Variants in NUP43 observed in about 807,000 individuals in gnomAD.
The protein encoded by NUP43 is nucleoporin 43, also known as nucleoporin Nup43.
In NUP43, 32 loss-of-function variants were observed where a neutral mutation model predicts 47.3. The ratio of observed to expected loss-of-function variants is 0.68; its 90% CI spans 0.51 to 0.91. NUP43 has a LOEUF of 0.91. Among genes scored for constraint, NUP43 ranks in the 40% least tolerant of loss-of-function variants. The pLI is 0.00. For synonymous variants in NUP43, 147 were observed against 158.4 expected (o/e 0.93, Z 0.54); for missense variants, 444 against 453.9 (o/e 0.98, Z 0.20).
intron 4 of NUP43, among the ~76,000 whole-genome samples, chr6:149,739,057 C>T (rs1170566450): frequency 6.6e-6 from 1 of 151,658 alleles, no homozygotes; most frequent in African/African-American, 2.4e-5. Context: ...CTCGGCTCAC[C>T]GCAATCTCCA....
Position 149,738,791 on chromosome 6 carries a change from A to G in NUP43, c.503-13T>C. ...CTATCTGCATTGTCTAAAAATTTAA[A>G]AAATGGTAGTATGTGTTAATGAGTC... On this transcript the variant is annotated splice_polypyrimidine_tract_variant and intron_variant, in intron 4 of 7. Transcript: ENST00000340413. The G allele has an allele frequency of 6.8e-7, 1 of 1,468,400 alleles. No homozygotes were observed. The highest frequency in any genetic ancestry group is 9.0e-7 in the Non-Finnish European group (1 of 1,107,584). 91.0% of individuals were successfully genotyped at this position (1,468,400 alleles called of 1,614,324 possible). A position where few individuals can be genotyped will look rare whatever the true frequency, so the allele number is the denominator to read the frequency against.
chr6:149,746,308 G>A (rs1785996980), intron 1 of NUP43, 68 bp downstream of exon 1: 6 of 1,582,322 alleles, frequency 3.8e-6, no homozygotes, highest in Middle Eastern at 2.1e-4. Flanking sequence ...TTGGCGCGCG[G>A]AAGGCCAGGG....
At position 149,742,465 on chromosome 6, in the gene NUP43, C is replaced by G; in HGVS notation, c.427G>C (p.Glu143Gln). The G allele has an allele frequency of 6.2e-7, 1 of 1,614,188 alleles. No individual in the cohort carries two copies. Among genetic ancestry groups the G allele is most frequent in the Middle Eastern group, 1.7e-4 (1 of 6,060 alleles). ...PCTGVVCNNPEIVTVGEDGRI... is the reference protein window; with the variant it reads ...PCTGVVCNNPQIVTVGEDGRI... Reference sequence around the variant, plus strand: ...CCATCCTCTCCAACTGTAACGATTTCTGGGTTGTTGCACACAACACCTGTA... The same window carrying G: ...CCATCCTCTCCAACTGTAACGATTTGTGGGTTGTTGCACACAACACCTGTA... Residue 143 changes from glutamate (E) to glutamine (Q), a missense_variant, in exon 4 of 8, where the codon GAA becomes CAA. Transcript: ENST00000340413.
Position 149,731,696 on chromosome 6 carries a change from AG to A in NUP43, c.829del (p.Leu277PhefsTer77). 1 of 1,613,930 alleles carries A rather than the reference AG, an allele frequency of 6.2e-7. No individual in the cohort carries two copies. Among genetic ancestry groups the A allele is most frequent in the South Asian group, 1.1e-5 (1 of 91,076 alleles). On this transcript the variant is annotated frameshift_variant, in exon 7 of 8. Coordinates refer to ENST00000340413, the MANE Select transcript of NUP43 (RefSeq NM_198887.3). LOFTEE classifies it high-confidence loss of function. ...VHFHPSNPEH[L>X]FTCSEDGSLW... ...GGATCCATCTTCAGAGCAGGTAAAA[AG>A]ATGTTCTGGGTTGGATGGGTGAAAG...
At chr6:149,734,747 G>A (rs1023222966) in intron 6 of NUP43, among the ~76,000 whole-genome samples, 4 of 148,224 alleles carry the variant, frequency 2.7e-5, no homozygotes, top group Admixed American at 1.4e-4. Flanking sequence ...TCAGTGAACC[G>A]CGATTGTGCC....
chr6:149,749,045 C>T (rs1024024567), upstream of NUP43, among the ~76,000 whole-genome samples: 3 of 152,038 alleles, frequency 2.0e-5, no homozygotes, highest in Non-Finnish European at 4.4e-5. Flanking sequence ...CCAAAGGACA[C>T]AGTGGTATTT....
upstream of NUP43, among the ~76,000 whole-genome samples, chr6:149,748,172 TG>T (rs1786114006): frequency 6.6e-6 from 1 of 151,948 alleles, no homozygotes; most frequent in Non-Finnish European, 1.5e-5. Flanking sequence ...AAATATTAGC[TG>T]GGCATGGTGG....
upstream of NUP43, chr6:149,746,772 CAAT>C: frequency 1.7e-6 from 2 of 1,193,120 alleles, no homozygotes; most frequent in Non-Finnish European, 2.2e-6. Context: ...TTCTTGTGTT[CAAT>C]AATTGTGCAG....
chr6:149,731,434 T>C, intron 7 of NUP43, 179 bp downstream of exon 7: 1 of 461,648 alleles, frequency 2.2e-6, no homozygotes, highest in Non-Finnish European at 3.9e-6. Flanking sequence ...CGGTGGTGCA[T>C]GACTAGTAGT....
chr6:149,735,556 C>G (rs1426242097), intron 6 of NUP43, among the ~76,000 whole-genome samples: 1 of 134,162 alleles, frequency 7.5e-6, no homozygotes, highest in Non-Finnish European at 1.5e-5. Flanking sequence ...GATCACACCA[C>G]TACTGCACTC....
At chr6:149,727,742 T>C (rs894384447) in intron 7 of NUP43, 33 of 983,156 alleles carry the variant, frequency 3.4e-5, no homozygotes, top group Non-Finnish European at 4.0e-5. Flanking sequence ...ATAAATGTTC[T>C]TACAAGCAGA....
Position 149,731,674 on chromosome 6 carries a change from T to G in NUP43, c.852A>C (p.Gly284=), listed in dbSNP as rs1159812835. 6.2e-7 allele frequency: 1 copy of G among 1,613,702 alleles called. No homozygotes were observed. Among genetic ancestry groups the G allele is most frequent in the Non-Finnish European group, 8.5e-7 (1 of 1,179,816 alleles). Reference sequence around the variant, plus strand: ...TGGAAGCATCCCAGTGCCAGAGGGATCCATCTTCAGAGCAGGTAAAAAGAT... The same window carrying G: ...TGGAAGCATCCCAGTGCCAGAGGGAGCCATCTTCAGAGCAGGTAAAAAGAT... The part of the protein sequence containing the change: ...PEHLFTCSED[G]SLWHWDASTD... Residue 284 remains glycine (G), a synonymous_variant, in exon 7 of 8, where the codon GGA becomes GGC. Coordinates refer to ENST00000340413, the MANE Select transcript of NUP43 (RefSeq NM_198887.3).
intron 3 of NUP43, among the ~76,000 whole-genome samples, chr6:149,743,258 C>T (rs1054995425): frequency 6.6e-6 from 1 of 151,308 alleles, no homozygotes; most frequent in Non-Finnish European, 1.5e-5. Flanking sequence ...CTCAAAAAAA[C>T]CCTTAACATG....
intron 4 of NUP43, among the ~76,000 whole-genome samples, chr6:149,742,048 CAG>C (rs1057277629): frequency 1.4e-5 from 2 of 146,816 alleles, no homozygotes; most frequent in African/African-American, 5.1e-5. Context: ...TTTTTTTAAA[CAG>C]AGTTTCACTT....
chr6:149,737,840 G>A (rs949199131), intron 5 of NUP43, among the ~76,000 whole-genome samples: 1 of 152,046 alleles, frequency 6.6e-6, no homozygotes, highest in Non-Finnish European at 1.5e-5. Flanking sequence ...ATAGGCACGT[G>A]CCACCATGCC....
chr6:149,735,598 CAAAAAAAAAAAA>C (rs57726234), intron 6 of NUP43, among the ~76,000 whole-genome samples: 2 of 51,312 alleles, frequency 3.9e-5, no homozygotes, highest in African/African-American at 8.5e-5. Context: ...ACCCTGTCTC[CAAAAAAAAAAAA>C]AAAAAAAAAA....
At chr6:149,735,391 C>A (rs1785270220) in intron 6 of NUP43, among the ~76,000 whole-genome samples, 1 of 151,912 alleles carries the variant, frequency 6.6e-6, no homozygotes, top group Non-Finnish European at 1.5e-5. Context: ...AAAAATCTGT[C>A]AATGCGCTAT....
chr6:149,747,499 G>A (rs899689373), upstream of NUP43, among the ~76,000 whole-genome samples: 16 of 151,206 alleles, frequency 1.1e-4, no homozygotes, highest in Non-Finnish European at 2.9e-5. Context: ...TATTGGCCAG[G>A]CTGGTCTCGA....
In NUP43 at chr6:149,727,154, C is replaced by T; in HGVS notation, c.958G>A (p.Ala320Thr). The T allele has an allele frequency of 6.2e-7, 1 of 1,614,070 alleles. No individual in the cohort carries two copies. The change falls in exon 8 of 8, where the codon GCT becomes ACT. Residue 320 changes from alanine to threonine, a missense_variant. By Grantham distance (58) the Ala-to-Thr change is moderately conservative. Coordinates refer to ENST00000340413, the MANE Select transcript of NUP43 (RefSeq NM_198887.3). ...TFLSHSISNQ[A>T]NVHQSVISSW... ...CTAATGACAGACTGGTGAACATTAGCTTGGTTACTAATGCTATGAGACAAA... is the reference window on the plus strand; with the variant it reads ...CTAATGACAGACTGGTGAACATTAGTTTGGTTACTAATGCTATGAGACAAA...
Sources: gnomAD v4.1 joint callset for allele counts (sites outside exome capture counted in the v4.1 genomes callset) on GRCh38, gnomAD v4.1.1 for gene constraint, MANE v1.5 for transcripts, NCBI Gene and HGNC (gene_info 2026-07-23, HGNC 2026-07-21) for gene names.